The following WBP11 variants were observed in gnomAD, a reference collection of about 807,000 sequenced individuals.
The protein encoded by WBP11 is WW domain-binding protein 11.
WBP11 carries 12 observed loss-of-function variants against 66.7 expected under a neutral mutation model. The ratio of observed to expected loss-of-function variants is 0.18; its 90% CI spans 0.12 to 0.29. The LOEUF is 0.29. Ranked by LOEUF, WBP11 falls within the 10% of genes least tolerant of loss-of-function variation. WBP11 has a pLI of 1.00. For missense variants in WBP11, 555 were observed against 818.3 expected (o/e 0.68, Z 3.93); for synonymous variants, 255 against 273.8 (o/e 0.93, Z 0.68).
At chr12:14,803,201 G>T (rs1200648283) in intron 1 of WBP11, among the ~76,000 whole-genome samples, 151 bp downstream of exon 1, 2 of 152,196 alleles carry the variant, frequency 1.3e-5, no homozygotes, top group Admixed American at 6.5e-5. Context: ...GCCACCCCAG[G>T]CCCAGGAATA....
In WBP11 at chr12:14,794,752, A is replaced by C. The variant is rs1949870600; in HGVS notation, c.522-16T>G. The C allele has an allele frequency of 3.4e-6, 5 of 1,462,620 alleles. No individual in the cohort carries two copies. Among genetic ancestry groups the C allele is most frequent in the East Asian group, 2.3e-5 (1 of 43,816 alleles). The allele number at this position is 1,462,620 out of a possible 1,614,324, so 90.6% of individuals were successfully genotyped here. On this transcript the variant is annotated splice_polypyrimidine_tract_variant and intron_variant, in intron 6 of 11. Transcript: ENST00000261167. ...AGTTGGAGGTCTGTTAAAAAAAAAA[A>C]CAAAAACAAAAAAACCCCCACAGTA...
intron 6 of WBP11, 30 bp downstream of exon 6, chr12:14,794,941 T>C: frequency 6.2e-7 from 1 of 1,612,202 alleles, no homozygotes; most frequent in Non-Finnish European, 8.5e-7. Flanking sequence ...CTTTACTAAA[T>C]GCTCTCTGAT....
rs147372890 is a variant in WBP11 at position 14,790,694 on chromosome 12, A to G, written c.1071T>C (p.Asp357=). 3 of 1,614,066 alleles carry G rather than the reference A, an allele frequency of 1.9e-6. No individual in the cohort carries two copies. In the African/African-American group the frequency reaches 4.0e-5, roughly 22 times the overall value. ...REVEEFSEDD[D]EDDSDDSEAE... ...CTTCAGAGTCATCAGAATCATCTTC[A>G]TCATCGTCCTCTGAAAATTCCTCTA... Residue 357 remains aspartate, a synonymous_variant, in exon 10 of 12, where the codon GAT becomes GAC. Transcript: ENST00000261167.
chr12:14,801,554 A>T (rs1949962871), intron 1 of WBP11, 126 bp from the exon 2 acceptor site: 1 of 581,958 alleles, frequency 1.7e-6, no homozygotes, highest in Non-Finnish European at 3.0e-6. Context: ...TTCTTTCCTT[A>T]GTTTTGACTT....
At position 14,787,017 on chromosome 12, in the gene WBP11, C is replaced by T. The variant is rs770301157; in HGVS notation, c.*48G>A. On this transcript the variant is annotated 3_prime_UTR_variant, in exon 12 of 12. Coordinates refer to ENST00000261167, the MANE Select transcript of WBP11 (RefSeq NM_016312.3). Reference sequence around the variant, plus strand: ...CTAAGTTTAATAAGAGCCTCTTTCTCCATGGGCCACTGTTGTGAACAGAAG... The same window carrying T: ...CTAAGTTTAATAAGAGCCTCTTTCTTCATGGGCCACTGTTGTGAACAGAAG... 115 of 1,521,910 alleles carry T rather than the reference C, an allele frequency of 7.6e-5. No homozygotes were observed. The highest frequency in any genetic ancestry group is 4.5e-4 in the South Asian group (36 of 79,408). The allele number at this position is 1,521,910 out of a possible 1,614,324, so 94.3% of individuals were successfully genotyped here. A position where few individuals can be genotyped will look rare whatever the true frequency, so the allele number is the denominator to read the frequency against.
chr12:14,789,239 T>C (rs1419485800), intron 10 of WBP11, 106 bp from the exon 11 acceptor site: 2 of 1,057,448 alleles, frequency 1.9e-6, no homozygotes, highest in Non-Finnish European at 1.3e-6. Flanking sequence ...TGAAATCAGA[T>C]TAACTTCAAG....
intron 9 of WBP11, 50 bp downstream of exon 9, chr12:14,791,119 T>C: frequency 6.5e-7 from 1 of 1,534,458 alleles, no homozygotes; most frequent in Non-Finnish European, 9.0e-7. Context: ...GTAAAGTAAT[T>C]AGCGTGAGGA....
rs767626021 is a variant in WBP11 at position 14,796,993 on chromosome 12, T to C, written c.201A>G (p.Pro67=). The stretch of plus-strand genomic sequence containing the variant: ...TCTCATTTAATTGTGGCTGTTGCAC[T>C]GGGTTAAACTCTAAGAGAAAAAGTA... ...MEKLDEMEFN[P]VQQPQLNEKV... Residue 67 remains proline (P), a synonymous_variant, in exon 5 of 12, where the codon CCA becomes CCG. Transcript: ENST00000261167. This position sits in a 1 kb window ranked among gnomAD's most constrained non-coding sequence, Gnocchi z 4.5. The C allele has an allele frequency of 1.9e-6, 3 of 1,583,514 alleles. No individual in the cohort carries two copies. The highest frequency in any genetic ancestry group is 4.5e-5 in the East Asian group (2 of 44,514).
rs1328552922 is a variant in WBP11, at chr12:14,794,566, T to C, written c.692A>G (p.Asp231Gly). Residue 231 changes from aspartate (D) to glycine (G), a missense_variant, in exon 7 of 12, where the codon GAT becomes GGT. By Grantham distance (94) the Asp-to-Gly change is moderately conservative. Transcript: ENST00000261167. ...FALDLPPRRR[D>G]EDMLYSPELA... Reference sequence around the variant, plus strand: ...TTCAGGACTATATAACATGTCTTCATCTCGCCTACGAGGGGGAAGATCTAG... The same window carrying C: ...TTCAGGACTATATAACATGTCTTCACCTCGCCTACGAGGGGGAAGATCTAG... 6.2e-7 allele frequency: 1 copy of C among 1,613,902 alleles called. No homozygotes were observed. Among genetic ancestry groups the C allele is most frequent in the East Asian group, 2.2e-5 (1 of 44,878 alleles).
intron 3 of WBP11, 23 bp from the exon 4 acceptor site, chr12:14,799,751 T>C: frequency 6.2e-7 from 1 of 1,605,260 alleles, no homozygotes; most frequent in Non-Finnish European, 8.5e-7. Context: ...AAAGGGCAGA[T>C]GTCAAGAAGT....
chr12:14,793,113 C>T (rs956552937), intron 8 of WBP11, among the ~76,000 whole-genome samples: 2 of 152,096 alleles, frequency 1.3e-5, no homozygotes, highest in African/African-American at 4.8e-5. Context: ...ATTATATATT[C>T]TGTTGTAGGC....
rs1415778894 is a variant in WBP11 at position 14,796,545 on chromosome 12, A to C, written c.387+262T>G. 1.3e-5 allele frequency among the ~76,000 whole-genome samples: 2 copies of C among 152,292 alleles called. No individual in the cohort carries two copies. The highest frequency in any genetic ancestry group is 2.9e-5 in the Non-Finnish European group (2 of 68,010). On this transcript the variant is annotated intron_variant, in intron 5 of 11. Transcript: ENST00000261167. This position sits in a 1 kb window ranked among gnomAD's most constrained non-coding sequence, Gnocchi z 4.5. The stretch of plus-strand genomic sequence containing the variant: ...TGGTGGAAAAATCCACACCTGACCT[A>C]ATGTGATGGGTCGTAGTTTTGTTTC...
rs1386208926 is a variant in WBP11 at position 14,787,435 on chromosome 12, G to T, written c.1556C>A (p.Pro519His). ...PPLVPPLGPA[P>H]PGLFPPAPLP... ...GGGAGCTGGTGGGAACAGCCCAGGG[G>T]GGGCAGGTCCAAGGGGAGGCACCAA... The change falls in exon 12 of 12, where the codon CCC becomes CAC. Residue 519 changes from proline (P) to histidine (H), a missense_variant. Physicochemically the swap from Pro to His is moderately conservative, Grantham distance 77 (BLOSUM62 -2). This residue lies in a region of WBP11 where 230 missense variants were observed against 286.3 expected (regional missense o/e 0.80). Transcript: ENST00000261167. 5 of 1,548,710 alleles carry T rather than the reference G, an allele frequency of 3.2e-6. No individual in the cohort carries two copies. The highest frequency in any genetic ancestry group is 1.4e-5 in the African/African-American group (1 of 73,236).
At chr12:14,791,063 TATTA>T (rs1949816239) in intron 9 of WBP11, 102 bp downstream of exon 9, 1 of 1,119,468 alleles carries the variant, frequency 8.9e-7, no homozygotes, top group Admixed American at 2.3e-5. Context: ...AACAAGGACT[TATTA>T]CTTACTTGAA....
In WBP11 at chr12:14,794,983, G is replaced by C; in HGVS notation, c.509C>G (p.Thr170Ser). ...ACTGCTTCCTTACCCATAGGCTGAGGTTTTCTTTAGGATAGAGGGTGGCTG... is the reference window on the plus strand; with the variant it reads ...ACTGCTTCCTTACCCATAGGCTGAGCTTTTCTTTAGGATAGAGGGTGGCTG... Reference protein sequence around the residue: ...GAQPPSILKKTSAYGPPTRAV... With the variant: ...GAQPPSILKKSSAYGPPTRAV... Residue 170 changes from threonine (T) to serine (S), a missense_variant, in exon 6 of 12, where the codon ACC (threonine) becomes AGC (serine). Physicochemically the swap from Thr to Ser is moderately conservative, Grantham distance 58 (BLOSUM62 1). Around this residue, in one of 6 missense-constraint regions of WBP11, gnomAD observed 220 missense variants for 268.2 expected, o/e 0.82. Coordinates refer to ENST00000261167, the MANE Select transcript of WBP11 (RefSeq NM_016312.3). 6.2e-7 allele frequency: 1 copy of C among 1,612,198 alleles called. No individual in the cohort carries two copies. The highest frequency in any genetic ancestry group is 1.3e-5 in the African/African-American group (1 of 74,946).
At chr12:14,802,219 C>T (rs1463412994) in intron 1 of WBP11, among the ~76,000 whole-genome samples, 10 of 151,992 alleles carry the variant, frequency 6.6e-5, no homozygotes, top group Admixed American at 4.6e-4. Context: ...AACACAGTAC[C>T]CTATTACATG....
intron 7 of WBP11, 82 bp from the exon 8 acceptor site, chr12:14,794,004 C>A: frequency 3.4e-6 from 3 of 882,060 alleles, no homozygotes; most frequent in Non-Finnish European, 4.7e-6. Context: ...GAAAATTATG[C>A]TATTCAACTC....
Position 14,787,188 on chromosome 12 carries a change from C to T in WBP11, c.1803G>A (p.Glu601=). The T allele has an allele frequency of 6.2e-7, 1 of 1,613,992 alleles. No homozygotes were observed. Among genetic ancestry groups the T allele is most frequent in the Non-Finnish European group, 8.5e-7 (1 of 1,180,028 alleles). ...GATAAPQRKS[E]DDSAVPLAKA... ...TGGCAAGAGGCACAGCAGAATCATC[C>T]TCTGACTTTCTTTGGGGAGCAGCAG... The change falls in exon 12 of 12, where the codon GAG becomes GAA. Residue 601 remains glutamate (E), a synonymous_variant. Transcript: ENST00000261167.
Position 14,787,319 on chromosome 12 carries a change from C to T in WBP11, c.1672G>A (p.Ala558Thr). The change falls in exon 12 of 12, where the codon GCC becomes ACC. Residue 558 changes from alanine to threonine, a missense_variant. By Grantham distance (58) the Ala-to-Thr change is moderately conservative. This residue lies in a region of WBP11 where 230 missense variants were observed against 286.3 expected (regional missense o/e 0.80). Transcript: ENST00000261167. ...GGCTTGGCACTGATGGTTGCTGTGG[C>T]TTTCTTCTCAATGGTGGCTGCACTT... ...DTSAATIEKK[A>T]TATISAKPQI... The T allele has an allele frequency of 6.2e-7, 1 of 1,614,052 alleles. No individual in the cohort carries two copies. Among genetic ancestry groups the T allele is most frequent in the South Asian group, 1.1e-5 (1 of 91,078 alleles).
Sources: allele counts gnomAD v4.1 joint callset (sites outside exome capture counted in the v4.1 genomes callset), GRCh38; gene constraint gnomAD v4.1.1; regional missense constraint gnomAD v4.1.1; non-coding constraint Gnocchi (gnomAD v3.1); transcripts MANE v1.5; gene names NCBI Gene and HGNC (gene_info 2026-07-23, HGNC 2026-07-21).